CNNM1: variants seen among roughly 807,000 people sequenced by gnomAD.
CNNM1 encodes the protein cyclin and CBS domain divalent metal cation transport mediator 1, also known as metal transporter CNNM1.
CNNM1 carries 44 observed loss-of-function variants against 78.8 expected under a neutral mutation model. That is an observed-to-expected ratio of 0.56 (90% confidence interval 0.44 to 0.72). The LOEUF (loss-of-function observed/expected upper bound fraction) is 0.72. CNNM1 is among the 30% of genes least tolerant of loss of function. The pLI is 0.00. For synonymous variants in CNNM1, 584 were observed against 581.5 expected, an observed-to-expected ratio of 1.00 and a Z score of -0.06; for missense variants, 1,101 against 1,292.2, an observed-to-expected ratio of 0.85 and a Z score of 2.27.
At chr10:99,364,564 G>T in intron 5 of CNNM1, 48 bp downstream of exon 5, 1 of 1,468,066 alleles carries the variant, frequency 6.8e-7, no homozygotes, top group East Asian at 2.4e-5. Flanking sequence ...GGATATGGTA[G>T]AAAAAGCACA....
intron 7 of CNNM1, among the ~76,000 whole-genome samples, chr10:99,382,155 A>G (rs1488157429): frequency 1.3e-5 from 2 of 152,246 alleles, no homozygotes; most frequent in African/African-American, 4.8e-5. Flanking sequence ...CTGAAGGTCC[A>G]GAATTAAGTC....
rs3793931 is a variant in CNNM1 at position 99,390,499 on chromosome 10, A to G, written c.2776+92A>G. 0.64 allele frequency: 593,072 copies of G among 931,398 alleles called. 198,305 individuals carry two copies. Among genetic ancestry groups the G allele is most frequent in the Non-Finnish European group, 0.7 (414,005 of 589,692 alleles). 57.7% of individuals were successfully genotyped at this position (931,398 alleles called of 1,614,324 possible). A position where few individuals can be genotyped will look rare whatever the true frequency, so the allele number is the denominator to read the frequency against. Reference sequence around the variant, plus strand: ...GCATCTTCCTCTTGGGGGAGGAGCCATGGACTCCTCTTAGAAACCCTAATG... The same window carrying G: ...GCATCTTCCTCTTGGGGGAGGAGCCGTGGACTCCTCTTAGAAACCCTAATG... On this transcript the variant is annotated intron_variant, in intron 10 of 10. Transcript: ENST00000356713.
At chr10:99,353,473 G>A (rs376967313) in intron 1 of CNNM1, among the ~76,000 whole-genome samples, 1 of 152,188 alleles carries the variant, frequency 6.6e-6, no homozygotes, top group East Asian at 1.9e-4. Flanking sequence ...ACAGAGATGT[G>A]TACAAAGTGC....
Position 99,362,382 on chromosome 10 carries a change from G to A in CNNM1, c.2014G>A (p.Val672Met), listed in dbSNP as rs753261982. 2 of 1,613,324 alleles carry A rather than the reference G, an allele frequency of 1.2e-6. No homozygotes were observed. Among genetic ancestry groups the A allele is most frequent in the African/African-American group, 1.3e-5 (1 of 74,980 alleles). Residue 672 changes from valine (V) to methionine (M), a missense_variant, in exon 4 of 11, where the codon GTG becomes ATG. Around this residue, in one of 3 missense-constraint regions of CNNM1, gnomAD observed 348 missense variants for 384.5 expected, o/e 0.90. Transcript: ENST00000356713. The part of the protein sequence containing the change: ...YQRNRPVDYF[V>M]LLLQGKVEVE... ...GCGCAACCGCCCTGTGGACTACTTT[G>A]TGCTGCTTCTACAGGTGAGTAGGAA...
chr10:99,336,829 G>A (rs1450978902), intron 1 of CNNM1, among the ~76,000 whole-genome samples: 1 of 152,126 alleles, frequency 6.6e-6, no homozygotes, highest in East Asian at 1.9e-4. Context: ...TAGCCGGGCA[G>A]TAATGGTGCA....
intron 7 of CNNM1, among the ~76,000 whole-genome samples, chr10:99,380,539 C>G (rs936883916): frequency 6.6e-6 from 1 of 152,076 alleles, no homozygotes; most frequent in African/African-American, 2.4e-5. Flanking sequence ...ACCTGTAATC[C>G]CAGCACTTTG....
intron 1 of CNNM1, among the ~76,000 whole-genome samples, chr10:99,337,551 C>G (rs1175381120): frequency 6.6e-6 from 1 of 152,230 alleles, no homozygotes; most frequent in East Asian, 1.9e-4. Flanking sequence ...GGGGCCTCCT[C>G]CTCTGGGAGA....
intron 2 of CNNM1, among the ~76,000 whole-genome samples, chr10:99,359,004 C>CAAAAAAAAAA (rs769541046): frequency 3.9e-5 from 2 of 51,498 alleles, no homozygotes; most frequent in African/African-American, 1.4e-4. Context: ...AAGACTGTCT[C>CAAAAAAAAAA]AAAAAAAAAA....
intron 9 of CNNM1, among the ~76,000 whole-genome samples, chr10:99,389,311 G>T (rs1486296062): frequency 1.3e-5 from 2 of 151,196 alleles, no homozygotes; most frequent in Non-Finnish European, 2.9e-5. Flanking sequence ...CAGCTACTCG[G>T]AAGGCTGAGG....
At chr10:99,346,588 A>C (rs2030705818) in intron 1 of CNNM1, among the ~76,000 whole-genome samples, 1 of 152,114 alleles carries the variant, frequency 6.6e-6, no homozygotes, top group Admixed American at 6.5e-5. Context: ...TATCAACATG[A>C]ACTCCAGACT....
chr10:99,392,472 G>A lies in CNNM1; in HGVS notation c.*956G>A, dbSNP rs1391532697. 1.3e-5 allele frequency: 2 copies of A among 152,656 alleles called. No homozygotes were observed. The highest frequency in any genetic ancestry group is 2.9e-5 in the Non-Finnish European group (2 of 68,062). 9.5% of individuals were successfully genotyped at this position (152,656 alleles called of 1,614,324 possible). On this transcript the variant is annotated 3_prime_UTR_variant, in exon 11 of 11. Coordinates refer to ENST00000356713, the MANE Select transcript of CNNM1 (RefSeq NM_020348.3). The stretch of plus-strand genomic sequence containing the variant: ...ATACATAATCTCATGGGACTTCAGT[G>A]GGAGTTACACAGGAATGTTGAAGAA...
intron 1 of CNNM1, among the ~76,000 whole-genome samples, chr10:99,349,718 G>A (rs910035902): frequency 1.3e-5 from 2 of 152,148 alleles, no homozygotes; most frequent in African/African-American, 4.8e-5. Context: ...ACAGCTATCT[G>A]GGCCGGGCGC....
chr10:99,329,490 C>G lies in CNNM1; in HGVS notation c.103C>G (p.Pro35Ala). 1 of 1,496,678 alleles carries G rather than the reference C, an allele frequency of 6.7e-7. No homozygotes were observed. Among genetic ancestry groups the G allele is most frequent in the Non-Finnish European group, 8.9e-7 (1 of 1,123,634 alleles). The allele number at this position is 1,496,678 out of a possible 1,614,324, so 92.7% of individuals were successfully genotyped here. A position where few individuals can be genotyped will look rare whatever the true frequency, so the allele number is the denominator to read the frequency against. Residue 35 changes from proline (P) to alanine (A), a missense_variant, in exon 1 of 11, where the codon CCC (proline) becomes GCC (alanine). Pro to Ala is a conservative substitution (Grantham distance 27). Around this residue, in one of 3 missense-constraint regions of CNNM1, gnomAD observed 476 missense variants for 484.5 expected, o/e 0.98. Transcript: ENST00000356713. ...LLLFFSLSPR[P>A]PAAAAWLLGL... ...GCTCTTCTTTTCCCTGTCTCCTCGGCCCCCGGCCGCCGCCGCCTGGCTGCT... is the reference window on the plus strand; with the variant it reads ...GCTCTTCTTTTCCCTGTCTCCTCGGGCCCCGGCCGCCGCCGCCTGGCTGCT...
intron 10 of CNNM1, 24 bp from the exon 11 acceptor site, chr10:99,391,413 A>G: frequency 6.3e-7 from 1 of 1,592,104 alleles, no homozygotes; most frequent in Non-Finnish European, 8.6e-7. Context: ...TTACAGGCTG[A>G]TACTTGCAAC....
At position 99,388,173 on chromosome 10, in the gene CNNM1, G is replaced by A; in HGVS notation, c.2546G>A (p.Arg849Lys). Reference sequence around the variant, plus strand: ...CCAGGCAGCCGCTCAGACGGGCTGAGAAGCCCCAGCGAGGTAGTGTACCTG... The same window carrying A: ...CCAGGCAGCCGCTCAGACGGGCTGAAAAGCCCCAGCGAGGTAGTGTACCTG... ...SLPCSRSDGL[R>K]SPSEVVYLRM... Residue 849 changes from arginine to lysine, a missense_variant, in exon 9 of 11, where the codon AGA becomes AAA. This residue lies in a region of CNNM1 where 348 missense variants were observed against 384.5 expected (regional missense o/e 0.90). Coordinates refer to ENST00000356713, the MANE Select transcript of CNNM1 (RefSeq NM_020348.3). 6.2e-7 allele frequency: 1 copy of A among 1,613,720 alleles called. No homozygotes were observed. Among genetic ancestry groups the A allele is most frequent in the African/African-American group, 1.3e-5 (1 of 75,008 alleles).
In CNNM1 at chr10:99,340,876, T is replaced by TCCTGCCTGCCTG. The variant is rs562170205; in HGVS notation, c.1573+9941_1573+9952dup. Among the ~76,000 whole-genome samples the TCCTGCCTGCCTG allele has an allele frequency of 4.8e-4, 67 of 138,210 alleles. 1 individual carries two copies. Among genetic ancestry groups the TCCTGCCTGCCTG allele is most frequent in the African/African-American group, 1.7e-3 (57 of 33,300 alleles). The allele number at this position is 138,210 out of a possible 152,430, so 90.7% of individuals were successfully genotyped here. A position where few individuals can be genotyped will look rare whatever the true frequency, so the allele number is the denominator to read the frequency against. On this transcript the variant is annotated intron_variant, in intron 1 of 10. Transcript: ENST00000356713. ...CTCCTTCCCCGCTTCCTTCCTTCCT[T>TCCTGCCTGCCTG]CCTGCCTGCCTGCCTGCCTGCCTGC...
chr10:99,383,423 G>A (rs546867132), intron 7 of CNNM1, among the ~76,000 whole-genome samples: 5 of 152,180 alleles, frequency 3.3e-5, no homozygotes, highest in East Asian at 3.9e-4. Flanking sequence ...ACAGGCATGC[G>A]CCACCACGCC....
In CNNM1 at chr10:99,364,449, C is replaced by G; in HGVS notation, c.2061C>G (p.Gly687=). 6.2e-7 allele frequency: 1 copy of G among 1,612,236 alleles called. No homozygotes were observed. ...GKVEVEVGKE[G]LRFENGAFTY... ...TGGAGGTGGAGGTTGGTAAGGAAGG[C>G]CTTCGCTTTGAAAATGGAGCCTTTA... Residue 687 remains glycine (G), a synonymous_variant, in exon 5 of 11, where the codon GGC becomes GGG. Coordinates refer to ENST00000356713, the MANE Select transcript of CNNM1 (RefSeq NM_020348.3).
chr10:99,389,501 A>G (rs1228680041), intron 9 of CNNM1, among the ~76,000 whole-genome samples: 1 of 152,218 alleles, frequency 6.6e-6, no homozygotes, highest in East Asian at 1.9e-4. Context: ...TGGGACATAC[A>G]TAGTCACTGT....
Sources: gnomAD v4.1 joint callset for allele counts (sites outside exome capture counted in the v4.1 genomes callset) on GRCh38, gnomAD v4.1.1 for gene constraint, gnomAD v4.1.1 regional missense constraint, MANE v1.5 for transcripts, NCBI Gene and HGNC (gene_info 2026-07-23, HGNC 2026-07-21) for gene names.